Variants in GLG1 observed in about 807,000 individuals in gnomAD.
GLG1 encodes Golgi apparatus protein 1.
GLG1 carries 38 observed loss-of-function variants against 160.5 expected under a neutral mutation model. The ratio of observed to expected loss-of-function variants is 0.24; its 90% CI spans 0.18 to 0.31. The LOEUF is 0.31. Ranked by LOEUF, GLG1 falls within the 10% of genes least tolerant of loss-of-function variation. GLG1 has a pLI of 1.00. For missense variants in GLG1, 1,373 were observed against 1,505.2 expected, an observed-to-expected ratio of 0.91 and a Z score of 1.45; for synonymous variants, 644 against 543.4, an observed-to-expected ratio of 1.19 and a Z score of -2.57.
chr16:74,532,738 G>T (rs1303013246), intron 1 of GLG1, among the ~76,000 whole-genome samples: 1 of 152,014 alleles, frequency 6.6e-6, no homozygotes, highest in African/African-American at 2.4e-5. Context: ...ATGTTGCCCA[G>T]GCTGGTGTAC....
Position 74,462,527 on chromosome 16 carries a change from T to A in GLG1, c.2895A>T (p.Gly965=). ...TCAGCTTCAGGCAAGAGATGACTTG[T>A]CCTTCTAATTCTGAATCATCCTTGG... ...TKAKDDSELE[G]QVISCLKLRY... The change falls in exon 21 of 26, where the codon GGA becomes GGT. Residue 965 remains glycine (G), a synonymous_variant. Coordinates refer to ENST00000422840, the MANE Select transcript of GLG1 (RefSeq NM_001145667.2). 1 of 1,613,994 alleles carries A rather than the reference T, an allele frequency of 6.2e-7. No homozygotes were observed. The highest frequency in any genetic ancestry group is 8.5e-7 in the Non-Finnish European group (1 of 1,179,812).
intron 1 of GLG1, among the ~76,000 whole-genome samples, chr16:74,535,974 T>C (rs1463202245): frequency 6.6e-6 from 1 of 151,998 alleles, no homozygotes; most frequent in African/African-American, 2.4e-5. Context: ...AAAGGAGTAT[T>C]TTATACTACC....
chr16:74,535,921 G>C (rs1219721192), intron 1 of GLG1, among the ~76,000 whole-genome samples: 2 of 152,094 alleles, frequency 1.3e-5, no homozygotes, highest in Non-Finnish European at 2.9e-5. Flanking sequence ...GAACACAGTG[G>C]TGATTTAGAG....
At chr16:74,496,748 A>ACACACAC (rs398029919) in intron 4 of GLG1, 104 bp from the exon 5 acceptor site, 53 of 740,696 alleles carry the variant, frequency 7.2e-5, no homozygotes, top group South Asian at 1.9e-4. Context: ...ACACACACAC[A>ACACACAC]AAGTAATAAA....
intron 4 of GLG1, among the ~76,000 whole-genome samples, chr16:74,503,034 C>G (rs536520161): frequency 6.6e-6 from 1 of 151,716 alleles, no homozygotes; most frequent in Admixed American, 6.6e-5. Flanking sequence ...TGGCGAAACC[C>G]CAGCTCTATT....
intron 1 of GLG1, among the ~76,000 whole-genome samples, chr16:74,556,571 C>G (rs1336715497): frequency 6.6e-6 from 1 of 152,008 alleles, no homozygotes; most frequent in Non-Finnish European, 1.5e-5. Context: ...GTGGTCTCAG[C>G]TACTGGGGAG....
At chr16:74,484,323 T>A (rs1035575) in intron 9 of GLG1, among the ~76,000 whole-genome samples, 145,494 of 152,058 alleles carry the variant, frequency 0.96, 69,675 homozygotes, top group East Asian at 1. Context: ...CTTGCAACTG[T>A]TTTTTTTTGT....
At position 74,494,808 on chromosome 16, in the gene GLG1, C is replaced by T. The variant is rs750143142; in HGVS notation, c.1002G>A (p.Val334=). The T allele has an allele frequency of 8.0e-6, 12 of 1,502,026 alleles. No homozygotes were observed. Among genetic ancestry groups the T allele is most frequent in the African/African-American group, 6.9e-5 (5 of 72,812 alleles). 93.0% of individuals were successfully genotyped at this position (1,502,026 alleles called of 1,614,324 possible). ...ATTTATGGTTAAAGAGGCACTTATA[C>T]ACTCTGCCCTCACCAGCTTGTGTCT... ...CENTQAGEGR[V]YKCLFNHKFE... is the part of the protein sequence containing the mutation. The change falls in exon 6 of 26, where the codon GTG becomes GTA. Residue 334 remains valine (V), a synonymous_variant. Transcript: ENST00000422840.
intron 4 of GLG1, among the ~76,000 whole-genome samples, chr16:74,498,868 CAA>C (rs57372225): frequency 6.6e-5 from 5 of 75,824 alleles, no homozygotes; most frequent in African/African-American, 1.1e-4. Flanking sequence ...CCGTCTCAGG[CAA>C]AAAAAAAAAA....
At chr16:74,516,710 C>A (rs937814164) in intron 2 of GLG1, among the ~76,000 whole-genome samples, 1 of 152,074 alleles carries the variant, frequency 6.6e-6, no homozygotes, top group Non-Finnish European at 1.5e-5. Flanking sequence ...AAGATCGGAG[C>A]AGAACTGAAG....
At chr16:74,549,538 A>G (rs1345616333) in intron 1 of GLG1, among the ~76,000 whole-genome samples, 1 of 152,182 alleles carries the variant, frequency 6.6e-6, no homozygotes, top group African/African-American at 2.4e-5. Flanking sequence ...CGCCCGCCTC[A>G]GCTTCCCAAG....
intron 1 of GLG1, among the ~76,000 whole-genome samples, chr16:74,600,447 A>G (rs2143908966): frequency 6.6e-6 from 1 of 152,242 alleles, no homozygotes; most frequent in South Asian, 2.1e-4. Context: ...GCTTAAGAAA[A>G]GAGGCCGGGT....
At position 74,463,497 on chromosome 16, in the gene GLG1, G is replaced by A. The variant is rs957858161; in HGVS notation, c.2668-18C>T. Reference sequence around the variant, plus strand: ...CAGAACCTCTGCAAAGAAACAGTTTGATAAAAACAGCTATCTAAACATGGC... The same window carrying A: ...CAGAACCTCTGCAAAGAAACAGTTTAATAAAAACAGCTATCTAAACATGGC... On this transcript the variant is annotated intron_variant, in intron 19 of 25. Transcript: ENST00000422840. 6.2e-7 allele frequency: 1 copy of A among 1,612,112 alleles called. No homozygotes were observed. Among genetic ancestry groups the A allele is most frequent in the African/African-American group, 1.3e-5 (1 of 74,828 alleles).
At chr16:74,531,218 C>T (rs572792808) in intron 2 of GLG1, among the ~76,000 whole-genome samples, 3 of 152,124 alleles carry the variant, frequency 2.0e-5, no homozygotes, top group Non-Finnish European at 4.4e-5. Flanking sequence ...TCTGTCTCTG[C>T]TTATACAGCC....
chr16:74,530,579 A>G (rs1018516728), intron 2 of GLG1, among the ~76,000 whole-genome samples: 4 of 152,148 alleles, frequency 2.6e-5, no homozygotes, highest in African/African-American at 9.6e-5. Flanking sequence ...TTTTTGATCT[A>G]TGGGCTAGAG....
intron 1 of GLG1, among the ~76,000 whole-genome samples, chr16:74,563,828 C>T (rs554976663): frequency 6.6e-6 from 1 of 152,188 alleles, no homozygotes; most frequent in Non-Finnish European, 1.5e-5. Context: ...ACAAAACAGA[C>T]TTCTTTAAAT....
intron 1 of GLG1, among the ~76,000 whole-genome samples, chr16:74,598,564 T>C (rs1014781048): frequency 9.4e-5 from 14 of 148,296 alleles, no homozygotes; most frequent in Admixed American, 3.4e-4. Context: ...ATTTACATGA[T>C]AGCCTATAAG....
chr16:74,479,332 A>G (rs1213437599), intron 11 of GLG1, among the ~76,000 whole-genome samples: 3 of 150,650 alleles, frequency 2.0e-5, no homozygotes, highest in Non-Finnish European at 3.0e-5. Flanking sequence ...ACAGACTCCA[A>G]CTCTTTCTTA....
intron 2 of GLG1, among the ~76,000 whole-genome samples, chr16:74,520,887 T>G (rs1236368440): frequency 6.6e-6 from 1 of 152,140 alleles, no homozygotes; most frequent in East Asian, 1.9e-4. Context: ...TTGTGAAATT[T>G]TACCGACAGG....
Sources: allele counts gnomAD v4.1 joint callset (sites outside exome capture counted in the v4.1 genomes callset), GRCh38; gene constraint gnomAD v4.1.1; transcripts MANE v1.5; gene names NCBI Gene and HGNC (gene_info 2026-07-23, HGNC 2026-07-21).